Variants in WNK4 observed in about 807,000 individuals in gnomAD.
The protein encoded by WNK4 is WNK lysine deficient protein kinase 4, also known as serine/threonine-protein kinase WNK4.
Under a neutral mutation model 116.2 loss-of-function variants are expected in WNK4, and 94 were observed. The observed-to-expected ratio is 0.81, with a 90% CI of 0.68 to 0.96. The LOEUF is 0.96. Among genes scored for constraint, WNK4 ranks in the 40% least tolerant of loss-of-function variants. The pLI is 0.00. For missense variants in WNK4, 1,542 were observed against 1,650.6 expected (o/e 0.93, Z 1.14); for synonymous variants, 655 against 672.7 (o/e 0.97, Z 0.41).
At chr17:42,794,719 G>C (rs2054643395) in intron 13 of WNK4, 51 bp downstream of exon 13, 1 of 1,613,612 alleles carries the variant, frequency 6.2e-7, no homozygotes, top group African/African-American at 1.3e-5. Context: ...GGTTGCTCCT[G>C]GGAAGGGCAT....
At chr17:42,788,897 A>C (rs2054581678) in intron 11 of WNK4, 100 bp downstream of exon 11, 2 of 971,074 alleles carry the variant, frequency 2.1e-6, no homozygotes, top group Non-Finnish European at 3.3e-6. Flanking sequence ...GACAGCAAGC[A>C]TTTTTAAATC....
In WNK4 at chr17:42,796,596, G is replaced by C. The variant is rs1267623196; in HGVS notation, c.3729+18G>C. ...GCAGGATGGTGAGGGCGGGCCCAAG[G>C]GAGGGAGAGCCCAGGGAATGGTACC... On this transcript the variant is annotated intron_variant, in intron 18 of 18. Coordinates refer to ENST00000246914, the MANE Select transcript of WNK4 (RefSeq NM_032387.5). 1.2e-6 allele frequency: 2 copies of C among 1,614,090 alleles called. No homozygotes were observed. Among genetic ancestry groups the C allele is most frequent in the Non-Finnish European group, 1.7e-6 (2 of 1,180,030 alleles).
rs914821455 is a variant in WNK4 at position 42,784,929 on chromosome 17, G to T, written c.1171-168G>T. Among the ~76,000 whole-genome samples, 89 of 150,772 alleles carry T rather than the reference G, an allele frequency of 5.9e-4. 1 individual carries two copies. Among genetic ancestry groups the T allele is most frequent in the Non-Finnish European group, 3.2e-4 (22 of 67,798 alleles). On this transcript the variant is annotated intron_variant, in intron 4 of 18. Coordinates refer to ENST00000246914, the MANE Select transcript of WNK4 (RefSeq NM_032387.5). This position sits in a 1 kb window ranked among gnomAD's most constrained non-coding sequence, Gnocchi z 4.4. Reference sequence around the variant, plus strand: ...TCAAGATCACACTGTAAATACTTGGGGGGGGGGCGGGGATTAGGATTTGAA... The same window carrying T: ...TCAAGATCACACTGTAAATACTTGGTGGGGGGGCGGGGATTAGGATTTGAA...
At position 42,795,029 on chromosome 17, in the gene WNK4, C is replaced by T. The variant is rs747769189; in HGVS notation, c.2608C>T (p.Pro870Ser). Residue 870 changes from proline to serine, a missense_variant, in exon 14 of 19, where the codon CCC (proline) becomes TCC (serine). Pro to Ser is a moderately conservative substitution (Grantham distance 74, BLOSUM62 -1). Coordinates refer to ENST00000246914, the MANE Select transcript of WNK4 (RefSeq NM_032387.5). The part of the protein sequence containing the change: ...SSPLPFSSST[P>S]EFPVPLSQCP... ...TCCACTTCCATTCTCCTCCAGCACACCCGAGTTTCCGGTCCCACTCTCTCA... is the reference window on the plus strand; with the variant it reads ...TCCACTTCCATTCTCCTCCAGCACATCCGAGTTTCCGGTCCCACTCTCTCA... 8.7e-6 allele frequency: 14 copies of T among 1,613,624 alleles called. No homozygotes were observed. Among genetic ancestry groups the T allele is most frequent in the African/African-American group, 5.4e-5 (4 of 74,740 alleles).
At chr17:42,786,905 A>G (rs770917447) in intron 6 of WNK4, among the ~76,000 whole-genome samples, 1 of 152,186 alleles carries the variant, frequency 6.6e-6, no homozygotes, top group Non-Finnish European at 1.5e-5. Flanking sequence ...TGTGCATTGT[A>G]GGATGTTGAG....
rs776619542 is a variant in WNK4 at position 42,781,271 on chromosome 17, G to T, written c.573G>T (p.Gly191=). 2 of 1,614,086 alleles carry T rather than the reference G, an allele frequency of 1.2e-6. No homozygotes were observed. Among genetic ancestry groups the T allele is most frequent in the East Asian group, 2.2e-5 (1 of 44,890 alleles). The change falls in exon 1 of 19, where the codon GGG becomes GGT. Residue 191 remains glycine, a synonymous_variant. Transcript: ENST00000246914. ...GCTCCTTCAAGACGGTGTATCGAGG[G>T]CTAGACACCGACACCACAGTGGAGG... ...GRGSFKTVYR[G]LDTDTTVEVA... is the part of the protein sequence containing the mutation.
Position 42,780,677 on chromosome 17 carries a change from C to T in WNK4, c.-22C>T, listed in dbSNP as rs200318202. ...CTCTCCGGCCGTCTGATTTTCTACCCTTCGGCGCCCTGCTCTTCCTCATGT... is the reference window on the plus strand; with the variant it reads ...CTCTCCGGCCGTCTGATTTTCTACCTTTCGGCGCCCTGCTCTTCCTCATGT... On this transcript the variant is annotated 5_prime_UTR_variant, in exon 1 of 19. Transcript: ENST00000246914. The T allele has an allele frequency of 5.9e-4, 942 of 1,604,030 alleles. 1 individual carries two copies. The highest frequency in any genetic ancestry group is 7.3e-4 in the Non-Finnish European group (857 of 1,179,288).
At chr17:42,786,785 G>A (rs369603805) in intron 6 of WNK4, among the ~76,000 whole-genome samples, 4 of 152,200 alleles carry the variant, frequency 2.6e-5, no homozygotes, top group African/African-American at 9.7e-5. Flanking sequence ...GAAATTTAGA[G>A]CAGGTCTCCA....
Position 42,793,722 on chromosome 17 carries a change from G to T in WNK4, c.2288G>T (p.Ser763Ile). The T allele has an allele frequency of 1.9e-6, 3 of 1,614,062 alleles. No individual in the cohort carries two copies. The highest frequency in any genetic ancestry group is 2.5e-6 in the Non-Finnish European group (3 of 1,179,952). The change falls in exon 12 of 19, where the codon AGC becomes ATC. Residue 763 changes from serine (S) to isoleucine (I), a missense_variant. Transcript: ENST00000246914. ...GPMEAAEDTL[S>I]PQEEPAPLPA... ...ATGGAGGCTGCTGAAGACACCCTAA[G>T]CCCCCAGGTCAGACCCCTTGGTGGA... is the stretch of plus-strand genomic sequence containing the variant.
chr17:42,788,070 A>G, intron 8 of WNK4, 60 bp from the exon 9 acceptor site: 6 of 1,601,398 alleles, frequency 3.7e-6, no homozygotes, highest in Non-Finnish European at 5.1e-6. Flanking sequence ...CCTTGACACC[A>G]TCTCCCTAGA....
At chr17:42,781,413 A>G (rs1190628901) in intron 1 of WNK4, 97 bp downstream of exon 1, 4 of 1,538,490 alleles carry the variant, frequency 2.6e-6, no homozygotes, top group African/African-American at 1.4e-5. Flanking sequence ...CAAGGGAAGC[A>G]TGTATTTTTC....
intron 8 of WNK4, 57 bp downstream of exon 8, chr17:42,787,956 C>T: frequency 1.2e-6 from 2 of 1,607,438 alleles, no homozygotes; most frequent in Admixed American, 1.7e-5. Context: ...ACCTATCTCC[C>T]TCCTTGTGAA....
Position 42,796,309 on chromosome 17 carries a change from GC to G in WNK4, c.3623del (p.Pro1208GlnfsTer11). 6.2e-7 allele frequency: 1 copy of G among 1,612,140 alleles called. No individual in the cohort carries two copies. Among genetic ancestry groups the G allele is most frequent in the Non-Finnish European group, 8.5e-7 (1 of 1,179,280 alleles). ...SRRNSLQRSE[P>X]PGPGIMRRNS... ...GCCGCAACAGCCTACAGCGCTCTGA[GC>G]CCCCAGGCCCTGGTGAGACTGCAGT... On this transcript the variant is annotated frameshift_variant, in exon 17 of 19. Coordinates refer to ENST00000246914, the MANE Select transcript of WNK4 (RefSeq NM_032387.5). LOFTEE classifies it high-confidence loss of function.
chr17:42,795,845 G>T lies in WNK4; in HGVS notation c.3243G>T (p.Gly1081=). 8 of 1,613,776 alleles carry T rather than the reference G, an allele frequency of 5.0e-6. No homozygotes were observed. The highest frequency in any genetic ancestry group is 6.8e-6 in the Non-Finnish European group (8 of 1,179,952). Residue 1081 remains glycine, a synonymous_variant, in exon 16 of 19, where the codon GGG becomes GGT. Transcript: ENST00000246914. ...AESDRAAEGL[G]AGVEEEGDDG... ...GCGACCGTGCAGCTGAGGGTCTGGG[G>T]GCTGGAGTTGAGGAGGAAGGAGATG...
rs951115830 is a variant in WNK4 at position 42,781,425 on chromosome 17, A to G, written c.618+109A>G. The G allele has an allele frequency of 1.2e-5, 18 of 1,458,198 alleles. No individual in the cohort carries two copies. In the South Asian group the frequency reaches 1.9e-4, roughly 16 times the overall value. 90.3% of individuals were successfully genotyped at this position (1,458,198 alleles called of 1,614,324 possible). On this transcript the variant is annotated intron_variant, in intron 1 of 18. Coordinates refer to ENST00000246914, the MANE Select transcript of WNK4 (RefSeq NM_032387.5). ...CATCAAGGGAAGCATGTATTTTTCC[A>G]GTCAAATGTCTATAGACACCTCTGC...
intron 11 of WNK4, among the ~76,000 whole-genome samples, chr17:42,789,642 C>T (rs978272503): frequency 1.3e-4 from 19 of 145,196 alleles, no homozygotes; most frequent in Middle Eastern, 4.2e-3. Context: ...CCAGCCTGGG[C>T]GACAAGAGTG....
At chr17:42,783,887 C>A in intron 2 of WNK4, 50 bp from the exon 3 acceptor site, 1 of 1,557,854 alleles carries the variant, frequency 6.4e-7, no homozygotes. Flanking sequence ...GGGCTCCTTC[C>A]CGGAGGACGT....
At chr17:42,788,967 T>C (rs1363581851) in intron 11 of WNK4, among the ~76,000 whole-genome samples, 170 bp downstream of exon 11, 6 of 152,078 alleles carry the variant, frequency 3.9e-5, no homozygotes, top group African/African-American at 1.2e-4. Flanking sequence ...TTGGGGGAGA[T>C]TTCTGTTTAT....
chr17:42,785,618 C>T, intron 6 of WNK4, 136 bp downstream of exon 6: 1 of 1,108,114 alleles, frequency 9.0e-7, no homozygotes, highest in Non-Finnish European at 1.3e-6. Context: ...AAATCTCCTG[C>T]AGCGTCTCCC....
Sources: allele counts gnomAD v4.1 joint callset (sites outside exome capture counted in the v4.1 genomes callset), GRCh38; gene constraint gnomAD v4.1.1; non-coding constraint Gnocchi (gnomAD v3.1); transcripts MANE v1.5; gene names NCBI Gene and HGNC (gene_info 2026-07-23, HGNC 2026-07-21).